The following TTC16 variants were observed in gnomAD, a reference collection of about 807,000 sequenced individuals.
The protein encoded by TTC16 is tetratricopeptide repeat domain 16.
In TTC16, 66 loss-of-function variants were observed where a neutral mutation model predicts 80.4. That is an observed-to-expected ratio of 0.82 (90% CI 0.67 to 1.01). TTC16 has a LOEUF of 1.01. TTC16 is among the 50% of genes least tolerant of loss of function. The probability of loss-of-function intolerance (pLI) is 0.00; values close to 1 mark genes in which losing one functional copy is unlikely to be tolerated. For missense variants in TTC16, 1,070 were observed against 1,103.2 expected (o/e 0.97, Z 0.43); for synonymous variants, 438 against 451.3 (o/e 0.97, Z 0.37).
Position 127,731,551 on chromosome 9 carries a change from CTTG to C in TTC16, c.*149_*151del. ...TGGTCCCACAGCTGAGTTTATTATA[CTTG>C]TTTTCTTTTACAAAATTAAAAACAT... is the stretch of plus-strand genomic sequence containing the variant. On this transcript the variant is annotated 3_prime_UTR_variant, in exon 14 of 14. Coordinates refer to ENST00000373289, the MANE Select transcript of TTC16 (RefSeq NM_144965.3). 1 of 1,422,726 alleles carries C rather than the reference CTTG, an allele frequency of 7.0e-7. No homozygotes were observed. The highest frequency in any genetic ancestry group is 9.2e-7 in the Non-Finnish European group (1 of 1,087,144). 88.1% of individuals were successfully genotyped at this position (1,422,726 alleles called of 1,614,324 possible).
At position 127,722,129 on chromosome 9, in the gene TTC16, G is replaced by C. The variant is rs1415797478; in HGVS notation, c.658-990G>C. ...CACAGAGGAAGAGCCAGCCCCAGGTGACTTGCCCAAGGTCACACAGCCTGT... is the reference window on the plus strand; with the variant it reads ...CACAGAGGAAGAGCCAGCCCCAGGTCACTTGCCCAAGGTCACACAGCCTGT... On this transcript the variant is annotated intron_variant, in intron 6 of 13. Coordinates refer to ENST00000373289, the MANE Select transcript of TTC16 (RefSeq NM_144965.3). The surrounding 1 kb of genome is among the most constrained non-coding windows in gnomAD (Gnocchi z 4.2). 6.6e-6 allele frequency among the ~76,000 whole-genome samples: 1 copy of C among 152,164 alleles called. No individual in the cohort carries two copies. Among genetic ancestry groups the C allele is most frequent in the East Asian group, 1.9e-4 (1 of 5,198 alleles).
rs752702088 is a variant in TTC16, at chr9:127,726,239, G to A, written c.1260G>A (p.Lys420=). 6.9e-6 allele frequency: 11 copies of A among 1,586,160 alleles called. No individual in the cohort carries two copies. The highest frequency in any genetic ancestry group is 4.5e-5 in the South Asian group (4 of 88,870). The change falls in exon 10 of 14, where the codon AAG becomes AAA. Residue 420 remains lysine (K), a splice_region_variant and synonymous_variant. Transcript: ENST00000373289. Reference sequence around the variant, plus strand: ...GCTTGGGACCCACTGTGTCGTGCAGGCAGTTCCAGAAGGCAGAGAACCACT... The same window carrying A: ...GCTTGGGACCCACTGTGTCGTGCAGACAGTTCCAGAAGGCAGAGAACCACT... ...EKMGFCEQRR[K]QFQKAENHFS...
At position 127,724,251 on chromosome 9, in the gene TTC16, A is replaced by ACGACTTTGC; in HGVS notation, c.1007_1015dup (p.Asp336_Ala338dup). The ACGACTTTGC allele has an allele frequency of 6.2e-7, 1 of 1,613,062 alleles. No homozygotes were observed. Among genetic ancestry groups the ACGACTTTGC allele is most frequent in the African/African-American group, 1.3e-5 (1 of 75,048 alleles). ...CAGCGCCAGCTGTTGCTGACCTACA[A>ACGACTTTGC]CGACTTTGCCGTGCACTGCTACAGG... On this transcript the variant is annotated inframe_insertion, in exon 8 of 14. Transcript: ENST00000373289.
chr9:127,724,023 C>A, intron 7 of TTC16, 97 bp from the exon 8 acceptor site: 1 of 1,439,926 alleles, frequency 6.9e-7, no homozygotes, highest in Non-Finnish European at 9.2e-7. Flanking sequence ...GGTCAGGAGG[C>A]CCAGAGCCGG....
chr9:127,727,253 G>A lies in TTC16; in HGVS notation c.1569-17G>A. ...GGCCAGGGAGACTGACAATACCTGG[G>A]GGGTATCGTTTGGCAGGATGCTTAA... On this transcript the variant is annotated splice_polypyrimidine_tract_variant and intron_variant, in intron 11 of 13. Transcript: ENST00000373289. The A allele has an allele frequency of 2.6e-6, 4 of 1,545,826 alleles. No individual in the cohort carries two copies. The highest frequency in any genetic ancestry group is 3.5e-6 in the Non-Finnish European group (4 of 1,143,832).
chr9:127,727,250 TG>T lies in TTC16; in HGVS notation c.1569-14del. On this transcript the variant is annotated intron_variant, in intron 11 of 13. Transcript: ENST00000373289. ...ATGGGCCAGGGAGACTGACAATACC[TG>T]GGGGGTATCGTTTGGCAGGATGCTT... The T allele has an allele frequency of 1.9e-6, 3 of 1,543,672 alleles. No individual in the cohort carries two copies. Among genetic ancestry groups the T allele is most frequent in the African/African-American group, 1.4e-5 (1 of 72,886 alleles).
Position 127,724,827 on chromosome 9 carries a change from C to CAGGA in TTC16, c.1190_1193dup (p.Asp398GlufsTer98). ...CCAGCAGGCGCTGGCGCTGAGCCCT[C>CAGGA]AGGACGAGGGCGCCAACACGCGCAT... On this transcript the variant is annotated frameshift_variant, in exon 9 of 14. Coordinates refer to ENST00000373289, the MANE Select transcript of TTC16 (RefSeq NM_144965.3). LOFTEE classifies it high-confidence loss of function. 1.2e-6 allele frequency: 2 copies of CAGGA among 1,605,656 alleles called. No individual in the cohort carries two copies. The highest frequency in any genetic ancestry group is 1.7e-6 in the Non-Finnish European group (2 of 1,176,964).
rs760038436 is a variant in TTC16, at chr9:127,724,839, G to A, written c.1201G>A (p.Ala401Thr). ...ALALSPQDEG[A>T]NTRMGLLQEK... The stretch of plus-strand genomic sequence containing the variant: ...GGCGCTGAGCCCTCAGGACGAGGGC[G>A]CCAACACGCGCATGGGCCTGCTGCA... The change falls in exon 9 of 14, where the codon GCC (alanine) becomes ACC (threonine). Residue 401 changes from alanine (A) to threonine (T), a missense_variant. Transcript: ENST00000373289. 1.3e-6 allele frequency: 2 copies of A among 1,597,826 alleles called. No individual in the cohort carries two copies. The highest frequency in any genetic ancestry group is 1.1e-5 in the South Asian group (1 of 89,140).
chr9:127,720,874 TCCCCC>T (rs1564381111), intron 6 of TTC16, among the ~76,000 whole-genome samples: 3 of 20,016 alleles, frequency 1.5e-4, no homozygotes, highest in African/African-American at 2.5e-4. Flanking sequence ...CCTTTCTCCC[TCCCCC>T]TTCCCCTTCC....
rs565036062 is a variant in TTC16, at chr9:127,731,442, G to A, written c.*37G>A. ...AGACCCTCCCTTCTTGCTGGGGAGGGGACGAGTTCTACCCACCTCCCCACA... is the reference window on the plus strand; with the variant it reads ...AGACCCTCCCTTCTTGCTGGGGAGGAGACGAGTTCTACCCACCTCCCCACA... On this transcript the variant is annotated 3_prime_UTR_variant, in exon 14 of 14. Coordinates refer to ENST00000373289, the MANE Select transcript of TTC16 (RefSeq NM_144965.3). 2 of 1,575,614 alleles carry A rather than the reference G, an allele frequency of 1.3e-6. No homozygotes were observed. The highest frequency in any genetic ancestry group is 1.7e-4 in the Middle Eastern group (1 of 5,858).
In TTC16 at chr9:127,731,475, T is replaced by G; in HGVS notation, c.*70T>G. ...TCTACCCACCTCCCCACACTGGCAC[T>G]CAGCCAGCTGCCTCCTTCCAGAGCA... On this transcript the variant is annotated 3_prime_UTR_variant, in exon 14 of 14. Transcript: ENST00000373289. The G allele has an allele frequency of 6.5e-7, 1 of 1,529,274 alleles. No individual in the cohort carries two copies. The highest frequency in any genetic ancestry group is 8.8e-7 in the Non-Finnish European group (1 of 1,139,918). 94.7% of individuals were successfully genotyped at this position (1,529,274 alleles called of 1,614,324 possible).
intron 6 of TTC16, among the ~76,000 whole-genome samples, chr9:127,720,918 T>TTCC (rs1843456388): frequency 1.4e-4 from 2 of 14,808 alleles, no homozygotes; most frequent in African/African-American, 3.5e-4. Context: ...TCCTCCCTCC[T>TTCC]CCCTTCCTCC....
Position 127,724,109 on chromosome 9 carries a change from C to G in TTC16, c.873-11C>G, listed in dbSNP as rs574265636. ...TGTCCCTCCTGCCGTCTCCCACGCCCCCCCCGACAGGGGCACCATGTACCG... is the reference window on the plus strand; with the variant it reads ...TGTCCCTCCTGCCGTCTCCCACGCCGCCCCCGACAGGGGCACCATGTACCG... On this transcript the variant is annotated splice_polypyrimidine_tract_variant and intron_variant, in intron 7 of 13. Coordinates refer to ENST00000373289, the MANE Select transcript of TTC16 (RefSeq NM_144965.3). The G allele has an allele frequency of 6.3e-7, 1 of 1,597,650 alleles. No individual in the cohort carries two copies. Among genetic ancestry groups the G allele is most frequent in the East Asian group, 2.2e-5 (1 of 44,628 alleles).
rs527927075 is a variant in TTC16 at position 127,718,935 on chromosome 9, G to A, written c.427-1143G>A. On this transcript the variant is annotated intron_variant, in intron 4 of 13. Transcript: ENST00000373289. This position sits in a 1 kb window ranked among gnomAD's most constrained non-coding sequence, Gnocchi z 4.6. The stretch of plus-strand genomic sequence containing the variant: ...GTCAAAAAATATTCAGTTCTTGGCC[G>A]GGCACGGTGGCTCACGCCTGTAATC... Among the ~76,000 whole-genome samples the A allele has an allele frequency of 9.9e-5, 15 of 151,620 alleles. No individual in the cohort carries two copies. The highest frequency in any genetic ancestry group is 3.4e-4 in the African/African-American group (14 of 41,400).
chr9:127,726,852 T>C, intron 10 of TTC16, 118 bp from the exon 11 acceptor site: 1 of 917,038 alleles, frequency 1.1e-6, no homozygotes, highest in Non-Finnish European at 1.6e-6. Flanking sequence ...ATTGCAAAAC[T>C]CTTCCTTCTT....
chr9:127,725,007 G>A (rs977066365), intron 9 of TTC16, 110 bp downstream of exon 9: 4 of 1,322,606 alleles, frequency 3.0e-6, no homozygotes, highest in South Asian at 3.1e-5. Context: ...CTCCTCGGGG[G>A]CGATGGCTCA....
intron 9 of TTC16, among the ~76,000 whole-genome samples, chr9:127,725,956 G>A (rs1843919081): frequency 6.6e-6 from 1 of 152,132 alleles, no homozygotes; most frequent in Non-Finnish European, 1.5e-5. Context: ...CTTAATCATA[G>A]TCAAATTAAT....
Position 127,723,269 on chromosome 9 carries a change from G to C in TTC16, c.808G>C (p.Ala270Pro). ...ILAVQGKLQH[A>P]LQRINRAIEN... ...GGCTGTGCAGGGCAAGCTGCAGCAC[G>C]CACTGCAGCGGATCAACCGTGCCAT... Residue 270 changes from alanine (A) to proline (P), a missense_variant, in exon 7 of 14, where the codon GCA becomes CCA. Transcript: ENST00000373289. The C allele has an allele frequency of 1.9e-6, 3 of 1,612,954 alleles. No individual in the cohort carries two copies. Among genetic ancestry groups the C allele is most frequent in the Non-Finnish European group, 2.5e-6 (3 of 1,180,036 alleles).
intron 4 of TTC16, among the ~76,000 whole-genome samples, 194 bp downstream of exon 4, chr9:127,717,966 G>A (rs181105218): frequency 6.6e-6 from 1 of 152,306 alleles, no homozygotes; most frequent in East Asian, 1.9e-4. Context: ...TTTCCATTTG[G>A]GCTTTCTGCC....
Sources: gnomAD v4.1 joint callset for allele counts (sites outside exome capture counted in the v4.1 genomes callset) on GRCh38, gnomAD v4.1.1 for gene constraint, Gnocchi (gnomAD v3.1) non-coding constraint, MANE v1.5 for transcripts, NCBI Gene and HGNC (gene_info 2026-07-23, HGNC 2026-07-21) for gene names.